FKBP5: variants seen among roughly 807,000 people sequenced by gnomAD.
FKBP5 encodes FKBP prolyl isomerase 5.
In FKBP5, 23 loss-of-function variants were observed where a neutral mutation model predicts 50.5. That is an observed-to-expected ratio of 0.46 (90% CI 0.33 to 0.65). The LOEUF (loss-of-function observed/expected upper bound fraction) is 0.65. Among genes scored for constraint, FKBP5 ranks in the 30% least tolerant of loss-of-function variants. The probability of loss-of-function intolerance (pLI) is 0.02; values close to 1 mark genes in which losing one functional copy is unlikely to be tolerated. For synonymous variants in FKBP5, 176 were observed against 190.6 expected, an observed-to-expected ratio of 0.92 and a Z score of 0.63; for missense variants, 411 against 553.1, an observed-to-expected ratio of 0.74 and a Z score of 2.58.
At chr6:35,589,496 C>T (rs2150959218) in intron 7 of FKBP5, among the ~76,000 whole-genome samples, 1 of 152,206 alleles carries the variant, frequency 6.6e-6, no homozygotes, top group East Asian at 1.9e-4. Flanking sequence ...CATATACCTT[C>T]ATGTGATTTC....
At chr6:35,693,443 G>A (rs1478790262), upstream of FKBP5, among the ~76,000 whole-genome samples, 2 of 151,760 alleles carry the variant, frequency 1.3e-5, no homozygotes, top group African/African-American at 4.8e-5. Flanking sequence ...GATTACAGGT[G>A]TGAGCCACTG....
At chr6:35,601,942 T>TCAAAA (rs779565347) in intron 5 of FKBP5, among the ~76,000 whole-genome samples, 4 of 152,194 alleles carry the variant, frequency 2.6e-5, no homozygotes, top group South Asian at 2.1e-4. Flanking sequence ...CCCCACAAAG[T>TCAAAA]CAAACCAAAC....
At chr6:35,705,143 A>AAACAAC (rs756008610) in intron 2 of FKBP5, among the ~76,000 whole-genome samples, 7 of 148,510 alleles carry the variant, frequency 4.7e-5, no homozygotes, top group African/African-American at 1.2e-4. Flanking sequence ...TCCGTCTCAA[A>AAACAAC]AACAACAACA....
At chr6:35,655,846 A>G (rs1033175796) in intron 1 of FKBP5, among the ~76,000 whole-genome samples, 3 of 152,244 alleles carry the variant, frequency 2.0e-5, no homozygotes, top group Admixed American at 2.0e-4. Flanking sequence ...AGAACACCTA[A>G]GCATAATTAA....
At chr6:35,694,951 A>G (rs1323475659) in intron 2 of FKBP5, among the ~76,000 whole-genome samples, 2 of 152,218 alleles carry the variant, frequency 1.3e-5, no homozygotes, top group Non-Finnish European at 2.9e-5. Context: ...GCAGCCATAT[A>G]GCACAAAGCA....
At chr6:35,713,202 G>A (rs1766446046) in intron 2 of FKBP5, among the ~76,000 whole-genome samples, 1 of 152,028 alleles carries the variant, frequency 6.6e-6, no homozygotes, top group South Asian at 2.1e-4. Context: ...TGACTCCTTG[G>A]GGCATGTGGT....
At chr6:35,693,367 G>C (rs1213136800), upstream of FKBP5, among the ~76,000 whole-genome samples, 1 of 151,842 alleles carries the variant, frequency 6.6e-6, no homozygotes, top group Non-Finnish European at 1.5e-5. Context: ...GTTTCACCAT[G>C]TTAGCCAGGA....
At chr6:35,583,775 GGAAA>G in intron 8 of FKBP5, 1 of 985,364 alleles carries the variant, frequency 1.0e-6, no homozygotes, top group Non-Finnish European at 1.2e-6. Context: ...CTGCACTAAA[GGAAA>G]GAGATGAAAG....
At chr6:35,690,414 G>A (rs138172250), upstream of FKBP5, among the ~76,000 whole-genome samples, 516 of 151,694 alleles carry the variant, frequency 3.4e-3, 2 homozygotes, top group African/African-American at 0.011. Flanking sequence ...GCAGTGAGCC[G>A]AGATCGCACC....
chr6:35,634,615 T>C (rs1286006537), intron 3 of FKBP5, among the ~76,000 whole-genome samples: 1 of 152,118 alleles, frequency 6.6e-6, no homozygotes, highest in Non-Finnish European at 1.5e-5. Flanking sequence ...CTATATTTCC[T>C]TTCCAGATCC....
chr6:35,724,886 C>A (rs1039051276), intron 1 of FKBP5, among the ~76,000 whole-genome samples: 8 of 152,118 alleles, frequency 5.3e-5, no homozygotes, highest in African/African-American at 1.9e-4. Context: ...GCACCCACAC[C>A]CCAGAATTGT....
chr6:35,598,226 G>A (rs1398775898), intron 5 of FKBP5, among the ~76,000 whole-genome samples: 2 of 152,174 alleles, frequency 1.3e-5, no homozygotes, highest in East Asian at 1.9e-4. Flanking sequence ...TTCTTGATGA[G>A]TTAGACTTTT....
At chr6:35,721,248 A>G (rs769771689) in intron 1 of FKBP5, among the ~76,000 whole-genome samples, 61 of 152,074 alleles carry the variant, frequency 4.0e-4, no homozygotes, top group Admixed American at 1.5e-3. Flanking sequence ...GCTACTTGGG[A>G]GGCCGAGGCA....
intron 1 of FKBP5, among the ~76,000 whole-genome samples, chr6:35,721,181 G>A (rs565734505): frequency 1.3e-5 from 2 of 151,996 alleles, no homozygotes; most frequent in South Asian, 2.1e-4. Flanking sequence ...GTGAAACCCC[G>A]TCTCTACTAA....
chr6:35,704,232 T>C (rs1009574580), intron 2 of FKBP5, among the ~76,000 whole-genome samples: 19 of 152,176 alleles, frequency 1.2e-4, no homozygotes, highest in African/African-American at 4.6e-4. Flanking sequence ...GGGGCAGGTA[T>C]CTAGAAAGGA....
At chr6:35,621,679 G>A (rs1763849221) in intron 3 of FKBP5, among the ~76,000 whole-genome samples, 1 of 148,226 alleles carries the variant, frequency 6.7e-6, no homozygotes, top group Non-Finnish European at 1.5e-5. Context: ...GAAATATTAA[G>A]TATCTGGGGG....
chr6:35,617,258 T>C (rs1001846458), intron 5 of FKBP5, among the ~76,000 whole-genome samples: 2 of 152,120 alleles, frequency 1.3e-5, no homozygotes, highest in African/African-American at 2.4e-5. Flanking sequence ...GGGTTGAAAA[T>C]AGTATATACT....
At chr6:35,711,068 C>A (rs1314782637) in intron 2 of FKBP5, among the ~76,000 whole-genome samples, 1 of 152,084 alleles carries the variant, frequency 6.6e-6, no homozygotes, top group Non-Finnish European at 1.5e-5. Flanking sequence ...GCCCGTAATC[C>A]CATCACTTTG....
At chr6:35,682,275 G>C (rs1765688709) in intron 1 of FKBP5, among the ~76,000 whole-genome samples, 1 of 151,984 alleles carries the variant, frequency 6.6e-6, no homozygotes, top group Admixed American at 6.6e-5. Context: ...ATCTAACATG[G>C]GTAAAGAACA....
Sources: allele counts gnomAD v4.1 joint callset (sites outside exome capture counted in the v4.1 genomes callset), GRCh38; gene constraint gnomAD v4.1.1; transcripts MANE v1.5; gene names NCBI Gene and HGNC (gene_info 2026-07-23, HGNC 2026-07-21).